The following PLXNA2 variants were observed in gnomAD, a reference collection of about 807,000 sequenced individuals.
PLXNA2 encodes the protein plexin-A2.
A neutral mutation model predicts 193.5 loss-of-function variants in PLXNA2; 91 were observed. That is an observed-to-expected ratio of 0.47 (90% confidence interval 0.40 to 0.56). The LOEUF (loss-of-function observed/expected upper bound fraction) is 0.56, where lower values mean the gene tolerates loss of function less well. Among genes scored for constraint, PLXNA2 ranks in the 20% least tolerant of loss-of-function variants. The pLI is 0.00. For missense variants in PLXNA2, 1,995 were observed against 2,503.2 expected, an observed-to-expected ratio of 0.80 and a Z score of 4.33; for synonymous variants, 997 against 1,027.3, an observed-to-expected ratio of 0.97 and a Z score of 0.56.
At chr1:208,186,723 T>TTTGTTTTTTTTTTTTTTTTC (rs1484195899) in intron 3 of PLXNA2, among the ~76,000 whole-genome samples, 1 of 144,384 alleles carries the variant, frequency 6.9e-6, no homozygotes, top group African/African-American at 2.7e-5. Context: ...ATTTTTTTTT[T>TTTGTTTTTTTTTTTTTTTTC]TTTTTTTGAG....
intron 3 of PLXNA2, among the ~76,000 whole-genome samples, chr1:208,171,417 A>C (rs1300292855): frequency 1.4e-4 from 21 of 152,244 alleles, no homozygotes; most frequent in Admixed American, 1.4e-3. Context: ...TTAATCCTCA[A>C]AATAAATTCT....
rs147810335 is a variant in PLXNA2, at chr1:208,142,849, A to G, written c.1372-386T>C. ...CATGGTGGCTGGGGTGGGAAAGTCA[A>G]CATCTGTTCACAGTATCTTAGCCTC... On this transcript the variant is annotated intron_variant, in intron 3 of 31. Coordinates refer to ENST00000367033, the MANE Select transcript of PLXNA2 (RefSeq NM_025179.4). Among the ~76,000 whole-genome samples, 53 of 152,362 alleles carry G rather than the reference A, an allele frequency of 3.5e-4. No individual in the cohort carries two copies. The East Asian group carries it at 0.01, about 29-fold the overall frequency.
At chr1:208,046,438 T>TCTGGGG (rs906763223) in intron 17 of PLXNA2, among the ~76,000 whole-genome samples, 13 of 152,148 alleles carry the variant, frequency 8.5e-5, no homozygotes, top group African/African-American at 3.1e-4. Context: ...TACAATCTAG[T>TCTGGGG]CCTGGAAGAG....
Position 208,042,233 on chromosome 1 carries a change from C to T in PLXNA2, c.4151G>A (p.Gly1384Asp), listed in dbSNP as rs1161329458. Residue 1384 changes from glycine to aspartate, a missense_variant, in exon 22 of 32, where the codon GGC becomes GAC. Coordinates refer to ENST00000367033, the MANE Select transcript of PLXNA2 (RefSeq NM_025179.4). ...GGTCATGATGAGCGAAGCCACGTTG[C>T]CCCGGTCGCGCATGGAGAAACTGCG... ...LQRSFSMRDR[G>D]NVASLIMTGL... 4.3e-6 allele frequency: 7 copies of T among 1,614,224 alleles called. No homozygotes were observed. The highest frequency in any genetic ancestry group is 5.1e-6 in the Non-Finnish European group (6 of 1,180,032).
At chr1:208,112,675 ATC>A (rs1243848385) in intron 4 of PLXNA2, among the ~76,000 whole-genome samples, 2 of 152,148 alleles carry the variant, frequency 1.3e-5, no homozygotes, top group African/African-American at 4.8e-5. Context: ...ACGATTGTTT[ATC>A]TATGACATGG....
At chr1:208,109,692 G>A (rs1042338344) in intron 4 of PLXNA2, among the ~76,000 whole-genome samples, 1 of 152,238 alleles carries the variant, frequency 6.6e-6, no homozygotes, top group African/African-American at 2.4e-5. Context: ...CCAACTGGAG[G>A]AGAATCCTCC....
chr1:208,205,634 T>C (rs1266971626), intron 3 of PLXNA2, among the ~76,000 whole-genome samples: 1 of 152,196 alleles, frequency 6.6e-6, no homozygotes, highest in Admixed American at 6.5e-5. Context: ...GGCAGTATCA[T>C]TGAGAAGATC....
intron 21 of PLXNA2, 88 bp from the exon 22 acceptor site, chr1:208,042,454 T>C (rs1418612235): frequency 7.0e-7 from 1 of 1,419,546 alleles, no homozygotes; most frequent in Non-Finnish European, 9.7e-7. Context: ...CTGCTGGCGA[T>C]GACACTAGCT....
At chr1:208,202,877 G>T (rs1431683167) in intron 3 of PLXNA2, among the ~76,000 whole-genome samples, 1 of 152,094 alleles carries the variant, frequency 6.6e-6, no homozygotes, top group African/African-American at 2.4e-5. Context: ...CACAGCCTGA[G>T]GCCTCATACA....
intron 26 of PLXNA2, among the ~76,000 whole-genome samples, chr1:208,037,360 C>T (rs988660543): frequency 4.3e-4 from 65 of 152,108 alleles, no homozygotes; most frequent in African/African-American, 1.5e-3. Context: ...TTTGGGGACC[C>T]CTGTGCCACA....
chr1:208,153,932 G>GA (rs1415190120), intron 3 of PLXNA2, among the ~76,000 whole-genome samples: 1 of 151,092 alleles, frequency 6.6e-6, no homozygotes, highest in Non-Finnish European at 1.5e-5. Flanking sequence ...CCCCTCCCAG[G>GA]AGAGGGGCTT....
At chr1:208,098,563 G>T (rs532264101) in intron 6 of PLXNA2, among the ~76,000 whole-genome samples, 1 of 151,942 alleles carries the variant, frequency 6.6e-6, no homozygotes, top group Non-Finnish European at 1.5e-5. Context: ...TAAAGAATGT[G>T]TTATTTGGTA....
At chr1:208,172,339 C>T (rs553486615) in intron 3 of PLXNA2, among the ~76,000 whole-genome samples, 25 of 152,120 alleles carry the variant, frequency 1.6e-4, no homozygotes, top group South Asian at 1.0e-3. Context: ...CTGGACTTTG[C>T]TTTGTAAAAA....
chr1:208,229,085 G>T lies in PLXNA2; in HGVS notation c.-80-11083C>A, dbSNP rs138644991. 6.0e-4 allele frequency among the ~76,000 whole-genome samples: 91 copies of T among 152,258 alleles called. 1 individual carries two copies. Among genetic ancestry groups the T allele is most frequent in the Non-Finnish European group, 1.2e-3 (80 of 68,030 alleles). ...ATACCAGCTCCTTAGGCTCAGCCCCGCATTCTCTGGGCCCTTCCCATACAG... is the reference window on the plus strand; with the variant it reads ...ATACCAGCTCCTTAGGCTCAGCCCCTCATTCTCTGGGCCCTTCCCATACAG... On this transcript the variant is annotated intron_variant, in intron 1 of 31. Transcript: ENST00000367033.
intron 4 of PLXNA2, among the ~76,000 whole-genome samples, chr1:208,117,300 G>A (rs1314157556): frequency 6.6e-6 from 1 of 152,194 alleles, no homozygotes; most frequent in Non-Finnish European, 1.5e-5. Context: ...GATGCAGGAG[G>A]AAACCCAGAG....
intron 3 of PLXNA2, among the ~76,000 whole-genome samples, chr1:208,193,481 ACCCATAATATCGCAG>A (rs1670250159): frequency 6.6e-6 from 1 of 152,194 alleles, no homozygotes; most frequent in Non-Finnish European, 1.5e-5. Flanking sequence ...CAGTTTCTTC[ACCCATAATATCGCAG>A]CCCATGGGGC....
Position 208,075,289 on chromosome 1 carries a change from G to A in PLXNA2, c.2586+3971C>T, listed in dbSNP as rs1023102454. 2.3e-4 allele frequency among the ~76,000 whole-genome samples: 33 copies of A among 145,726 alleles called. 1 individual carries two copies. Among genetic ancestry groups the A allele is most frequent in the Non-Finnish European group, 9.0e-5 (6 of 66,560 alleles). Reference sequence around the variant, plus strand: ...CACACCACTGCACTTCAGCCTGGGCGATAGAGTGAGACTCTGTCTCAAAAA... The same window carrying A: ...CACACCACTGCACTTCAGCCTGGGCAATAGAGTGAGACTCTGTCTCAAAAA... On this transcript the variant is annotated intron_variant, in intron 12 of 31. Transcript: ENST00000367033.
intron 2 of PLXNA2, among the ~76,000 whole-genome samples, chr1:208,211,632 G>T (rs1015181347): frequency 5.3e-5 from 8 of 151,120 alleles, no homozygotes; most frequent in Non-Finnish European, 1.2e-4. Flanking sequence ...GGCGGAGGTT[G>T]CAGTGAGCCG....
At chr1:208,039,477 A>T in intron 24 of PLXNA2, 144 bp downstream of exon 24, 1 of 1,117,812 alleles carries the variant, frequency 8.9e-7, no homozygotes, top group Non-Finnish European at 1.3e-6. Flanking sequence ...TGCTCTTGGT[A>T]CACTTAGTTG....
Sources: gnomAD v4.1 joint callset for allele counts (sites outside exome capture counted in the v4.1 genomes callset) on GRCh38, gnomAD v4.1.1 for gene constraint, MANE v1.5 for transcripts, NCBI Gene and HGNC (gene_info 2026-07-23, HGNC 2026-07-21) for gene names.